The following FAM135B variants were observed in gnomAD, a reference collection of about 807,000 sequenced individuals.
FAM135B encodes the protein protein FAM135B.
Under a neutral mutation model 127.7 loss-of-function variants are expected in FAM135B, and 43 were observed. The observed-to-expected ratio is 0.34, with a 90% confidence interval of 0.26 to 0.43. The LOEUF is 0.43. FAM135B is among the 20% of genes least tolerant of loss of function. The pLI is 1.00. For missense variants in FAM135B, 1,558 were observed against 1,725.6 expected (o/e 0.90, Z 1.72); for synonymous variants, 670 against 665.1 (o/e 1.01, Z -0.11).
chr8:138,374,279 G>A (rs1831328911), intron 1 of FAM135B, among the ~76,000 whole-genome samples: 1 of 152,168 alleles, frequency 6.6e-6, no homozygotes, highest in African/African-American at 2.4e-5. Context: ...CCAGGCTTCT[G>A]CATCTGTACT....
At chr8:138,135,378 T>C (rs1043837041) in intron 19 of FAM135B, among the ~76,000 whole-genome samples, 3 of 152,190 alleles carry the variant, frequency 2.0e-5, no homozygotes, top group African/African-American at 4.8e-5. Flanking sequence ...TGACTCTTTA[T>C]TTATTGTCAC....
In FAM135B at chr8:138,223,729, T is replaced by C. The variant is rs545793339; in HGVS notation, c.669+19213A>G. On this transcript the variant is annotated intron_variant, in intron 7 of 19. Coordinates refer to ENST00000395297, the MANE Select transcript of FAM135B (RefSeq NM_015912.4). Reference sequence around the variant, plus strand: ...TGTGCACTAGTATTGCAGAAATGTGTTAAACTCACATGTTCTTCGCAGCAC... The same window carrying C: ...TGTGCACTAGTATTGCAGAAATGTGCTAAACTCACATGTTCTTCGCAGCAC... 5.9e-5 allele frequency among the ~76,000 whole-genome samples: 9 copies of C among 152,278 alleles called. No homozygotes were observed. In the South Asian group the frequency reaches 1.2e-3, roughly 21 times the overall value.
At chr8:138,461,292 A>G (rs552728346) in intron 1 of FAM135B, among the ~76,000 whole-genome samples, 59 of 152,320 alleles carry the variant, frequency 3.9e-4, no homozygotes, top group African/African-American at 1.4e-3. Flanking sequence ...CATCCTGGTC[A>G]TCAAGGAAAC....
intron 7 of FAM135B, among the ~76,000 whole-genome samples, chr8:138,218,793 AGAGAGAGAGAGG>A (rs35416356): frequency 0.55 from 74,185 of 134,054 alleles, 18,675 homozygotes; most frequent in Middle Eastern, 0.61. Flanking sequence ...AGAGAGAGAG[AGAGAGAGAGAGG>A]GAGAGAAAGA....
rs182915841 is a variant in FAM135B at position 138,423,878 on chromosome 8, C to T, written c.-19-55876G>A. 1.9e-3 allele frequency among the ~76,000 whole-genome samples: 288 copies of T among 152,180 alleles called. 2 individuals carry two copies. The highest frequency in any genetic ancestry group is 6.6e-3 in the African/African-American group (273 of 41,504). On this transcript the variant is annotated intron_variant, in intron 1 of 19. Transcript: ENST00000395297. ...CCCAGGGGGCCATTTTAGAGGCCTA[C>T]CCTCAGGGGTGCATTCTCTTTCTCA...
rs117160203 is a variant in FAM135B at position 138,265,587 on chromosome 8, C to A, written c.297+116G>T. ...ATGAGTGCACTAAAAGCACTAATCT[C>A]TGTCAGATTTCAAAGTAAACCCATA... On this transcript the variant is annotated intron_variant, in intron 4 of 19. Coordinates refer to ENST00000395297, the MANE Select transcript of FAM135B (RefSeq NM_015912.4). 8.4e-4 allele frequency: 982 copies of A among 1,170,580 alleles called. 1 individual carries two copies. The highest frequency in any genetic ancestry group is 1.1e-3 in the Non-Finnish European group (920 of 818,980). 72.5% of individuals were successfully genotyped at this position (1,170,580 alleles called of 1,614,324 possible). A position where few individuals can be genotyped will look rare whatever the true frequency, so the allele number is the denominator to read the frequency against.
In FAM135B at chr8:138,167,974, TGCAGGCA is replaced by T; in HGVS notation, c.1172_1178del (p.Leu391GlnfsTer15). 6.2e-7 allele frequency: 1 copy of T among 1,614,038 alleles called. No homozygotes were observed. Among genetic ancestry groups the T allele is most frequent in the Non-Finnish European group, 8.5e-7 (1 of 1,179,946 alleles). ...AATCGCCGTCGATGTCCAGGCACTC[TGCAGGCA>T]GCGGGGGCATGCTAGTGAGGTACTC... is the stretch of plus-strand genomic sequence containing the variant. On this transcript the variant is annotated frameshift_variant, in exon 12 of 20. Coordinates refer to ENST00000395297, the MANE Select transcript of FAM135B (RefSeq NM_015912.4). LOFTEE classifies it high-confidence loss of function.
chr8:138,173,864 T>G (rs547334231), intron 11 of FAM135B, among the ~76,000 whole-genome samples: 1 of 152,294 alleles, frequency 6.6e-6, no homozygotes, highest in Non-Finnish European at 1.5e-5. Flanking sequence ...ACCCAATACC[T>G]CTTTGCTGTG....
chr8:138,411,886 T>C (rs1290360966), intron 1 of FAM135B, among the ~76,000 whole-genome samples: 3 of 152,144 alleles, frequency 2.0e-5, no homozygotes, highest in Non-Finnish European at 2.9e-5. Flanking sequence ...TCTGCAGCCA[T>C]AAAGAAACAA....
intron 1 of FAM135B, among the ~76,000 whole-genome samples, chr8:138,395,333 G>C (rs1005309432): frequency 6.6e-6 from 1 of 152,090 alleles, no homozygotes; most frequent in Non-Finnish European, 1.5e-5. Context: ...GCTGGGAGAC[G>C]CCGCACCTGC....
At chr8:138,172,358 T>C (rs1820540637) in intron 11 of FAM135B, among the ~76,000 whole-genome samples, 1 of 152,232 alleles carries the variant, frequency 6.6e-6, no homozygotes, top group Admixed American at 6.5e-5. Flanking sequence ...TCAGGCTGTG[T>C]CTGGCCTCAG....
chr8:138,396,718 T>G (rs1260268500), intron 1 of FAM135B, among the ~76,000 whole-genome samples: 1 of 152,118 alleles, frequency 6.6e-6, no homozygotes, highest in African/African-American at 2.4e-5. Context: ...ATCTGTTCAC[T>G]TTACCTCGCT....
At chr8:138,442,295 G>A (rs1408047103) in intron 1 of FAM135B, among the ~76,000 whole-genome samples, 41 of 84,474 alleles carry the variant, frequency 4.9e-4, no homozygotes, top group Middle Eastern at 8.9e-3. Flanking sequence ...CTTGGCAGTT[G>A]AATATCTTTT....
chr8:138,198,717 C>T (rs1453532603), intron 7 of FAM135B, among the ~76,000 whole-genome samples: 2 of 152,138 alleles, frequency 1.3e-5, no homozygotes, highest in African/African-American at 4.8e-5. Flanking sequence ...GAAAAGACAC[C>T]TAAGTCTACA....
chr8:138,496,681 T>G lies in FAM135B; in HGVS notation c.-30A>C, dbSNP rs538489052. ...AGCGCTCTCACCTACCTGTCTCCACTGCAGGGCTCCCCTCTCTCTCCCCCG... is the reference window on the plus strand; with the variant it reads ...AGCGCTCTCACCTACCTGTCTCCACGGCAGGGCTCCCCTCTCTCTCCCCCG... On this transcript the variant is annotated 5_prime_UTR_variant, in exon 1 of 20. Transcript: ENST00000395297. The G allele has an allele frequency of 8.5e-5, 13 of 152,428 alleles. No individual in the cohort carries two copies. The highest frequency in any genetic ancestry group is 2.6e-4 in the African/African-American group (11 of 41,548). The allele number at this position is 152,428 out of a possible 1,614,324, so 9.4% of individuals were successfully genotyped here.
rs139426734 is a variant in FAM135B at position 138,308,357 on chromosome 8, C to T, written c.157+2484G>A. 3.9e-3 allele frequency among the ~76,000 whole-genome samples: 589 copies of T among 152,310 alleles called. 4 individuals carry two copies. Among genetic ancestry groups the T allele is most frequent in the African/African-American group, 0.013 (549 of 41,570 alleles). Reference sequence around the variant, plus strand: ...CCAGCCTAGGCTGGCTAACTCAAAACATTATAAAAGAATAAGCCATTGTTA... The same window carrying T: ...CCAGCCTAGGCTGGCTAACTCAAAATATTATAAAAGAATAAGCCATTGTTA... On this transcript the variant is annotated intron_variant, in intron 3 of 19. Coordinates refer to ENST00000395297, the MANE Select transcript of FAM135B (RefSeq NM_015912.4).
At chr8:138,347,848 G>A (rs970922420) in intron 2 of FAM135B, among the ~76,000 whole-genome samples, 1 of 152,090 alleles carries the variant, frequency 6.6e-6, no homozygotes, top group South Asian at 2.1e-4. Context: ...GTTACATCAT[G>A]CTTCTGTGTC....
At chr8:138,226,884 A>G (rs1483879738) in intron 7 of FAM135B, among the ~76,000 whole-genome samples, 34 of 151,046 alleles carry the variant, frequency 2.3e-4, no homozygotes, top group Admixed American at 2.2e-3. Flanking sequence ...TTTAGTAGAG[A>G]TGAGGTTTCA....
intron 4 of FAM135B, among the ~76,000 whole-genome samples, chr8:138,259,371 T>C (rs1440841706): frequency 2.0e-5 from 3 of 152,236 alleles, no homozygotes; most frequent in Non-Finnish European, 2.9e-5. Context: ...TTCATATCTA[T>C]GAGACCTGGG....
Sources: gnomAD v4.1 joint callset for allele counts (sites outside exome capture counted in the v4.1 genomes callset) on GRCh38, gnomAD v4.1.1 for gene constraint, MANE v1.5 for transcripts, NCBI Gene and HGNC (gene_info 2026-07-23, HGNC 2026-07-21) for gene names.